The following MEF2A variants were observed in gnomAD, a reference collection of about 807,000 sequenced individuals.
MEF2A encodes the protein myocyte enhancer factor 2A, also known as myocyte-specific enhancer factor 2A.
A neutral mutation model predicts 55.8 loss-of-function variants in MEF2A; 28 were observed. That is an observed-to-expected ratio of 0.50 (90% confidence interval 0.37 to 0.69). The LOEUF is 0.69. Among genes scored for constraint, MEF2A ranks in the 30% least tolerant of loss-of-function variants. MEF2A has a pLI of 0.00. For missense variants in MEF2A, 528 were observed against 626.2 expected (o/e 0.84, Z 1.67); for synonymous variants, 239 against 227.1 (o/e 1.05, Z -0.47).
chr15:99,642,963 G>C (rs1481771479), intron 3 of MEF2A, among the ~76,000 whole-genome samples: 2 of 152,154 alleles, frequency 1.3e-5, no homozygotes, highest in Non-Finnish European at 2.9e-5. Flanking sequence ...CATGTTTTTA[G>C]AGGAGTAGAG....
chr15:99,628,844 A>C (rs993936379), intron 2 of MEF2A, among the ~76,000 whole-genome samples: 1 of 152,156 alleles, frequency 6.6e-6, no homozygotes, highest in African/African-American at 2.4e-5. Flanking sequence ...GTGCATATCC[A>C]AGCTGTATAT....
At chr15:99,602,466 G>A (rs1973417146) in intron 2 of MEF2A, among the ~76,000 whole-genome samples, 1 of 152,120 alleles carries the variant, frequency 6.6e-6, no homozygotes, top group Non-Finnish European at 1.5e-5. Context: ...GCCTCTTAAT[G>A]CGCATGCTGG....
intron 11 of MEF2A, among the ~76,000 whole-genome samples, chr15:99,711,812 ATC>A (rs1335813278): frequency 6.6e-6 from 1 of 152,252 alleles, no homozygotes; most frequent in Non-Finnish European, 1.5e-5. Flanking sequence ...TGTCCTGAGC[ATC>A]CTAAATGAAT....
Position 99,690,427 on chromosome 15 carries a change from T to C in MEF2A, c.857T>C (p.Leu286Pro), listed in dbSNP as rs757410498. 1 of 1,588,576 alleles carries C rather than the reference T, an allele frequency of 6.3e-7. No homozygotes were observed. Among genetic ancestry groups the C allele is most frequent in the East Asian group, 2.2e-5 (1 of 44,532 alleles). The change falls in exon 8 of 12, where the codon CTA becomes CCA. Residue 286 changes from leucine to proline, a missense_variant and splice_region_variant. Around this residue, in one of 2 missense-constraint regions of MEF2A, gnomAD observed 450 missense variants for 475.3 expected, o/e 0.95. Transcript: ENST00000557942. ...TCAAGCAAGGGCATGATGCCTCCAC[T>C]AGTAAGTTGAACCTTTCTTCAACTT... ...PPSSKGMMPP[L>P]SEEEELELNT...
chr15:99,682,064 T>A (rs944163562), intron 7 of MEF2A, among the ~76,000 whole-genome samples: 1 of 152,362 alleles, frequency 6.6e-6, no homozygotes, highest in Non-Finnish European at 1.5e-5. Flanking sequence ...AGTTTGCACA[T>A]CAGTTGGACT....
At chr15:99,702,429 CTTTT>C (rs11429799) in intron 8 of MEF2A, among the ~76,000 whole-genome samples, 5 of 134,322 alleles carry the variant, frequency 3.7e-5, no homozygotes, top group African/African-American at 2.8e-5. Flanking sequence ...AAAAATGTTT[CTTTT>C]TTTTTTTTTT....
In MEF2A at chr15:99,712,527, AGCAGCAGCAGCCGCCGCCACCACC is replaced by A; in HGVS notation, c.1280_1303del (p.Gln427_Gln434del). On this transcript the variant is annotated inframe_deletion, in exon 12 of 12. Coordinates refer to ENST00000557942, the MANE Select transcript of MEF2A (RefSeq NM_001319206.4). The surrounding 1 kb of genome is among the most constrained non-coding windows in gnomAD (Gnocchi z 4.1). ...TTCCAGCAGCAGCAGCAGCAGCAGCAGCAGCAGCAGCCGCCGCCACCACCGCAGCCCCAGCCACAACCCCCGCAG... is the reference window on the plus strand; with the variant it reads ...TTCCAGCAGCAGCAGCAGCAGCAGCAGCAGCCCCAGCCACAACCCCCGCAG... 1 of 1,546,948 alleles carries A rather than the reference AGCAGCAGCAGCCGCCGCCACCACC, an allele frequency of 6.5e-7. No individual in the cohort carries two copies. The highest frequency in any genetic ancestry group is 2.5e-5 in the East Asian group (1 of 40,416).
At chr15:99,671,197 T>C in intron 4 of MEF2A, 126 bp from the exon 5 acceptor site, 2 of 970,126 alleles carry the variant, frequency 2.1e-6, no homozygotes, top group Non-Finnish European at 3.0e-6. Context: ...TGTGATCATT[T>C]AGAAACCGTT....
At chr15:99,710,850 T>G in intron 11 of MEF2A, 90 bp downstream of exon 11, 1 of 1,425,014 alleles carries the variant, frequency 7.0e-7, no homozygotes, top group South Asian at 1.4e-5. Context: ...CTGTTGAGTT[T>G]CGTGTGAGGA....
At chr15:99,646,049 A>G (rs1230990183) in intron 4 of MEF2A, among the ~76,000 whole-genome samples, 2 of 152,144 alleles carry the variant, frequency 1.3e-5, no homozygotes, top group African/African-American at 4.8e-5. Flanking sequence ...TTTAAAATTA[A>G]TATTGTAAGA....
intron 6 of MEF2A, among the ~76,000 whole-genome samples, 188 bp from the exon 7 acceptor site, chr15:99,675,211 A>G (rs907792065): frequency 4.6e-5 from 7 of 152,170 alleles, no homozygotes; most frequent in Non-Finnish European, 1.0e-4. Flanking sequence ...GTAAACTCAT[A>G]TATATGAGAT....
At chr15:99,574,229 T>G (rs1963521661) in intron 1 of MEF2A, among the ~76,000 whole-genome samples, 4 of 152,190 alleles carry the variant, frequency 2.6e-5, no homozygotes, top group Admixed American at 2.0e-4. Flanking sequence ...AAACAGAGAT[T>G]ATTATTTTAT....
intron 2 of MEF2A, among the ~76,000 whole-genome samples, chr15:99,628,415 G>A (rs2042382020): frequency 4.6e-5 from 7 of 151,910 alleles, no homozygotes; most frequent in Admixed American, 4.6e-4. Flanking sequence ...AAAAATTGAG[G>A]TTTAGTTTAA....
intron 3 of MEF2A, among the ~76,000 whole-genome samples, chr15:99,643,218 A>T (rs1412338648): frequency 6.6e-6 from 1 of 152,216 alleles, no homozygotes; most frequent in Non-Finnish European, 1.5e-5. Flanking sequence ...ATTGTAAAAT[A>T]CTAATTAACA....
chr15:99,641,031 C>G (rs1193172649), intron 3 of MEF2A, among the ~76,000 whole-genome samples: 1 of 152,134 alleles, frequency 6.6e-6, no homozygotes, highest in East Asian at 1.9e-4. Context: ...CGTATTTGCA[C>G]TAGTTTGCGT....
intron 8 of MEF2A, among the ~76,000 whole-genome samples, chr15:99,696,716 A>G (rs1406029605): frequency 6.6e-6 from 1 of 151,740 alleles, no homozygotes; most frequent in Non-Finnish European, 1.5e-5. Flanking sequence ...AACCCCAATC[A>G]AGCAGAAGAA....
At chr15:99,589,587 A>C (rs1434801052) in intron 1 of MEF2A, among the ~76,000 whole-genome samples, 1 of 152,054 alleles carries the variant, frequency 6.6e-6, no homozygotes, top group African/African-American at 2.4e-5. Flanking sequence ...GAAGTTTGGA[A>C]CGCTGTTAAA....
At chr15:99,580,245 C>T (rs1468109419) in intron 1 of MEF2A, among the ~76,000 whole-genome samples, 2 of 152,092 alleles carry the variant, frequency 1.3e-5, no homozygotes, top group East Asian at 1.9e-4. Flanking sequence ...TGACTTCCCC[C>T]GCCCCCCTCA....
chr15:99,676,337 GT>G (rs931358642), intron 7 of MEF2A, among the ~76,000 whole-genome samples: 6 of 151,196 alleles, frequency 4.0e-5, no homozygotes, highest in South Asian at 2.1e-4. Flanking sequence ...AATATTTATG[GT>G]TTTTTTTCAG....
Sources: gnomAD v4.1 joint callset for allele counts (sites outside exome capture counted in the v4.1 genomes callset) on GRCh38, gnomAD v4.1.1 for gene constraint, gnomAD v4.1.1 regional missense constraint, Gnocchi (gnomAD v3.1) non-coding constraint, MANE v1.5 for transcripts, NCBI Gene and HGNC (gene_info 2026-07-23, HGNC 2026-07-21) for gene names.